The following EYS variants were observed in gnomAD, a reference collection of about 807,000 sequenced individuals.
The protein encoded by EYS is protein eyes shut homolog.
Under a neutral mutation model 282.1 loss-of-function variants are expected in EYS, and 250 were observed. The observed-to-expected ratio is 0.89, with a 90% CI of 0.80 to 0.98. The LOEUF is 0.98. EYS is among the 50% of genes least tolerant of loss of function. The probability of loss-of-function intolerance (pLI) is 0.00; values close to 1 mark genes in which losing one functional copy is unlikely to be tolerated. For synonymous variants in EYS, 1,355 were observed against 1,282.9 expected (o/e 1.06, Z -1.20); for missense variants, 4,016 against 3,709.0 (o/e 1.08, Z -2.15).
chr6:64,417,669 G>C (rs1774098261), intron 28 of EYS, among the ~76,000 whole-genome samples: 2 of 118,064 alleles, frequency 1.7e-5, no homozygotes, highest in South Asian at 5.9e-4. Flanking sequence ...TGTAAGGGTT[G>C]GCTTTTTTTT....
At position 63,917,608 on chromosome 6, in the gene EYS, G is replaced by A. The variant is rs143216045; in HGVS notation, c.7056-53250C>T. 4.4e-3 allele frequency among the ~76,000 whole-genome samples: 665 copies of A among 152,270 alleles called. 4 individuals are homozygous for A. Among genetic ancestry groups the A allele is most frequent in the African/African-American group, 0.015 (636 of 41,558 alleles). ...CACTGGGAAAAATTGTGGATAAAAT[G>A]TTCTTAAAATTATTGTTTGTACCAA... On this transcript the variant is annotated intron_variant, in intron 35 of 42. Transcript: ENST00000503581.
intron 8 of EYS, among the ~76,000 whole-genome samples, chr6:65,355,983 G>A (rs1764466590): frequency 6.6e-6 from 1 of 151,996 alleles, no homozygotes; most frequent in African/African-American, 2.4e-5. Context: ...CCGGATATCT[G>A]CGCAAAGGAA....
At position 64,591,297 on chromosome 6, in the gene EYS, T is replaced by A; in HGVS notation, c.4570A>T (p.Ser1524Cys). 6.4e-7 allele frequency: 1 copy of A among 1,551,390 alleles called. No individual in the cohort carries two copies. The highest frequency in any genetic ancestry group is 1.2e-5 in the South Asian group (1 of 84,062). Residue 1524 changes from serine (S) to cysteine (C), a missense_variant, in exon 26 of 43, where the codon AGT (serine) becomes TGT (cysteine). By Grantham distance (112) the Ser-to-Cys change is moderately radical. Coordinates refer to ENST00000503581, the MANE Select transcript of EYS (RefSeq NM_001142800.2). ...GCCTCAGTAATAGCCTGATATTCAC[T>A]GGGATTGAAGGCTTTTGTACTGAAC... ...HRFSTKAFNP[S>C]EYQAITEASS...
At chr6:65,467,436 T>C (rs1765043115) in intron 5 of EYS, among the ~76,000 whole-genome samples, 1 of 151,050 alleles carries the variant, frequency 6.6e-6, no homozygotes, top group African/African-American at 2.4e-5. Flanking sequence ...AGACTAACAG[T>C]TATAAAAAAA....
Position 64,590,966 on chromosome 6 carries a change from T to C in EYS, c.4901A>G (p.Lys1634Arg). The change falls in exon 26 of 43, where the codon AAG becomes AGG. Residue 1634 changes from lysine (K) to arginine (R), a missense_variant. Coordinates refer to ENST00000503581, the MANE Select transcript of EYS (RefSeq NM_001142800.2). ...TEVPSLFPSK[K>R]SAKRTILSSS... ...GGATAAAATTGTTCTTTTTGCACTC[T>C]TTTTAGAAGGAAATAAAGATGGCAC... 1 of 1,551,168 alleles carries C rather than the reference T, an allele frequency of 6.4e-7. No homozygotes were observed. The highest frequency in any genetic ancestry group is 8.7e-7 in the Non-Finnish European group (1 of 1,146,760).
Position 64,591,260 on chromosome 6 carries a change from T to C in EYS, c.4607A>G (p.Gln1536Arg), listed in dbSNP as rs528387472. ...YQAITEASSN[Q>R]RLTNIKSQAA... Reference sequence around the variant, plus strand: ...CTGTGATTTGATGTTTGTGAGTCTCTGGTTGCTTGAAGCCTCAGTAATAGC... The same window carrying C: ...CTGTGATTTGATGTTTGTGAGTCTCCGGTTGCTTGAAGCCTCAGTAATAGC... Residue 1536 changes from glutamine (Q) to arginine (R), a missense_variant, in exon 26 of 43, where the codon CAG becomes CGG. By Grantham distance (43) the Gln-to-Arg change is conservative (BLOSUM62 1). Coordinates refer to ENST00000503581, the MANE Select transcript of EYS (RefSeq NM_001142800.2). The C allele has an allele frequency of 3.0e-5, 47 of 1,551,446 alleles. No homozygotes were observed. The South Asian group carries it at 5.0e-4, about 16-fold the overall frequency.
Position 64,634,328 on chromosome 6 carries a change from T to C in EYS, c.3444-8083A>G, listed in dbSNP as rs545162426. Among the ~76,000 whole-genome samples, 22 of 152,302 alleles carry C rather than the reference T, an allele frequency of 1.4e-4. 2 individuals are homozygous for C. Among genetic ancestry groups the C allele is most frequent in the African/African-American group, 5.1e-4 (21 of 41,562 alleles). On this transcript the variant is annotated intron_variant, in intron 22 of 42. Coordinates refer to ENST00000503581, the MANE Select transcript of EYS (RefSeq NM_001142800.2). ...ACAGAATTTTGAGGGTAGATTGTTA[T>C]ATGCAATACATAATTATGTACAAAA...
intron 13 of EYS, among the ~76,000 whole-genome samples, chr6:65,005,473 G>A (rs1771614351): frequency 6.8e-6 from 1 of 147,500 alleles, no homozygotes; most frequent in African/African-American, 2.4e-5. Flanking sequence ...GGACCTCTGT[G>A]AGCAAGGACC....
At chr6:64,580,438 T>C (rs1200564829) in intron 26 of EYS, among the ~76,000 whole-genome samples, 2 of 152,104 alleles carry the variant, frequency 1.3e-5, no homozygotes, top group Admixed American at 1.3e-4. Flanking sequence ...ACAGGAATTC[T>C]GATAGACTGG....
At chr6:64,488,038 A>G (rs1314409435) in intron 26 of EYS, among the ~76,000 whole-genome samples, 6 of 151,084 alleles carry the variant, frequency 4.0e-5, no homozygotes, top group African/African-American at 1.5e-4. Flanking sequence ...TGTTATCTGT[A>G]AGTTCAACCC....
intron 15 of EYS, among the ~76,000 whole-genome samples, chr6:64,927,718 C>T (rs1252423784): frequency 6.6e-6 from 1 of 151,784 alleles, no homozygotes; most frequent in East Asian, 1.9e-4. Context: ...TTTTTATATC[C>T]TCATATAAGA....
chr6:65,277,911 C>T (rs1265586359), intron 12 of EYS, among the ~76,000 whole-genome samples: 1 of 152,058 alleles, frequency 6.6e-6, no homozygotes, highest in Non-Finnish European at 1.5e-5. Context: ...TTTACTGGGC[C>T]ACATGGTACT....
At chr6:64,621,968 G>A (rs982673031) in intron 23 of EYS, among the ~76,000 whole-genome samples, 1 of 152,054 alleles carries the variant, frequency 6.6e-6, no homozygotes, top group African/African-American at 2.4e-5. Flanking sequence ...TACTATTTCG[G>A]CTAAAAACAC....
At chr6:64,917,046 C>G (rs1768188199) in intron 15 of EYS, among the ~76,000 whole-genome samples, 1 of 152,092 alleles carries the variant, frequency 6.6e-6, no homozygotes, top group Non-Finnish European at 1.5e-5. Flanking sequence ...GTCAGGAAAT[C>G]AAGACCATCC....
At chr6:64,694,488 C>A (rs1770508064) in intron 22 of EYS, among the ~76,000 whole-genome samples, 2 of 152,110 alleles carry the variant, frequency 1.3e-5, no homozygotes, top group Non-Finnish European at 2.9e-5. Context: ...ACCTGGGGAG[C>A]AATCAGGAGA....
intron 35 of EYS, among the ~76,000 whole-genome samples, chr6:63,967,202 G>A (rs934528889): frequency 2.0e-5 from 3 of 152,132 alleles, no homozygotes; most frequent in Non-Finnish European, 2.9e-5. Flanking sequence ...GCTACACTAA[G>A]GGATAATTCA....
At chr6:65,234,053 G>C (rs1396969193) in intron 12 of EYS, among the ~76,000 whole-genome samples, 1 of 151,822 alleles carries the variant, frequency 6.6e-6, no homozygotes, top group Non-Finnish European at 1.5e-5. Context: ...GTATATTATG[G>C]GTCTACTAGC....
At chr6:64,337,034 C>A (rs1383098488) in intron 29 of EYS, among the ~76,000 whole-genome samples, 2 of 151,960 alleles carry the variant, frequency 1.3e-5, no homozygotes, top group East Asian at 1.9e-4. Context: ...TGAAAGAGCA[C>A]AAACTGACAT....
At chr6:64,405,781 G>A (rs1365765020) in intron 28 of EYS, among the ~76,000 whole-genome samples, 1 of 152,122 alleles carries the variant, frequency 6.6e-6, no homozygotes, top group Non-Finnish European at 1.5e-5. Context: ...GGATGGGAAG[G>A]ACCTCAAGGA....
Sources: gnomAD v4.1 joint callset for allele counts (sites outside exome capture counted in the v4.1 genomes callset) on GRCh38, gnomAD v4.1.1 for gene constraint, MANE v1.5 for transcripts, NCBI Gene and HGNC (gene_info 2026-07-23, HGNC 2026-07-21) for gene names.